The following SORBS2 variants were observed in gnomAD, a reference collection of about 807,000 sequenced individuals.
SORBS2 encodes sorbin and SH3 domain-containing protein 2.
In SORBS2, 46 loss-of-function variants were observed where a neutral mutation model predicts 97.7. The ratio of observed to expected loss-of-function variants is 0.47; its 90% confidence interval spans 0.37 to 0.60. SORBS2 has a LOEUF of 0.60. Ranked by LOEUF, SORBS2 falls within the 20% of genes least tolerant of loss-of-function variation. SORBS2 has a pLI of 0.00. For missense variants in SORBS2, 1,316 were observed against 1,282.3 expected, an observed-to-expected ratio of 1.03 and a Z score of -0.40; for synonymous variants, 476 against 473.4, an observed-to-expected ratio of 1.01 and a Z score of -0.07.
At chr4:185,619,946 C>T (rs765749125) in intron 8 of SORBS2, 117 bp downstream of exon 20, 416 of 742,578 alleles carry the variant, frequency 5.6e-4, no homozygotes, top group Non-Finnish European at 7.1e-4. Flanking sequence ...TTTCTAGTTT[C>T]TCAGTATTTT....
rs555128252 is a variant in SORBS2, at chr4:185,928,797, C to T, written c.-338+27399G>A. ...TCCTGACCTCGTGATCCGCCCACCT[C>T]GGCCTCCTAAAGTGCTGGGATTCCA... On this transcript the variant is annotated intron_variant, in intron 1 of 20. Transcript: ENST00000284776. Among the ~76,000 whole-genome samples, 118 of 152,274 alleles carry T rather than the reference C, an allele frequency of 7.7e-4. 2 individuals carry two copies. The South Asian group carries it at 0.022, about 29-fold the overall frequency.
At chr4:185,845,474 G>A (rs542768436) in intron 1 of SORBS2, among the ~76,000 whole-genome samples, 3 of 152,200 alleles carry the variant, frequency 2.0e-5, no homozygotes, top group African/African-American at 7.2e-5. Context: ...CCTTATAGAA[G>A]AAAACAAAGG....
intron 3 of SORBS2, 53 bp downstream of exon 12, chr4:185,649,413 GA>G: frequency 7.1e-7 from 1 of 1,416,028 alleles, no homozygotes; most frequent in South Asian, 1.5e-5. Context: ...ATGCCATGTA[GA>G]CTTATTTTTA....
Position 185,850,934 on chromosome 4 carries a change from G to A in SORBS2, c.-337-75568C>T, listed in dbSNP as rs148090469. ...ACGAGGGTAAATTCACTCCCTCTCA[G>A]GTTGAATTGGGACACCTATCTATCT... is the stretch of plus-strand genomic sequence containing the variant. On this transcript the variant is annotated intron_variant, in intron 1 of 20. Coordinates refer to the SORBS2 transcript ENST00000284776. 5.2e-3 allele frequency among the ~76,000 whole-genome samples: 786 copies of A among 152,248 alleles called. 11 individuals carry two copies. The highest frequency in any genetic ancestry group is 6.6e-3 in the Non-Finnish European group (451 of 68,022).
chr4:185,808,759 C>T (rs1013196728), intron 1 of SORBS2, among the ~76,000 whole-genome samples: 2 of 152,158 alleles, frequency 1.3e-5, no homozygotes, highest in Non-Finnish European at 2.9e-5. Flanking sequence ...TTACTTTCTT[C>T]TGGTTTCAGC....
chr4:185,618,765 T>A lies in SORBS2; in HGVS notation c.2305-134A>T, dbSNP rs574387122. 8.9e-5 allele frequency: 42 copies of A among 470,794 alleles called. No individual in the cohort carries two copies. In the East Asian group the frequency reaches 1.2e-3, roughly 13 times the overall value. 29.2% of individuals were successfully genotyped at this position (470,794 alleles called of 1,614,324 possible). A position where few individuals can be genotyped will look rare whatever the true frequency, so the allele number is the denominator to read the frequency against. Reference sequence around the variant, plus strand: ...TATGTAATGTTAATCCTGTAAGCAATTTATAAATAAGTCCATTCATTCTTC... The same window carrying A: ...TATGTAATGTTAATCCTGTAAGCAAATTATAAATAAGTCCATTCATTCTTC... On this transcript the variant is annotated intron_variant, in intron 8 of 14. Coordinates refer to ENST00000418609, the Ensembl canonical transcript of SORBS2.
chr4:185,892,976 A>G (rs1446855965), intron 1 of SORBS2, among the ~76,000 whole-genome samples: 5 of 152,156 alleles, frequency 3.3e-5, no homozygotes, highest in Non-Finnish European at 5.9e-5. Flanking sequence ...GAACAAGAAA[A>G]TTATAGCCTT....
At chr4:185,840,941 G>A (rs2099211122) in intron 1 of SORBS2, among the ~76,000 whole-genome samples, 1 of 152,140 alleles carries the variant, frequency 6.6e-6, no homozygotes, top group South Asian at 2.1e-4. Flanking sequence ...CAAGAGGGAG[G>A]GGAGGGAGAG....
chr4:185,656,438 G>C (rs35071718), intron 1 of SORBS2, among the ~76,000 whole-genome samples: 41,525 of 142,310 alleles, frequency 0.29, 7,313 homozygotes, highest in Non-Finnish European at 0.41. Flanking sequence ...ATCTTACCAC[G>C]GCTTTTTTTT....
chr4:185,689,554 G>A (rs1204438939), intron 2 of SORBS2, among the ~76,000 whole-genome samples: 1 of 152,156 alleles, frequency 6.6e-6, no homozygotes, highest in Non-Finnish European at 1.5e-5. Context: ...CATCTTGCCT[G>A]TTGTCCACAT....
At chr4:185,666,141 G>A in intron 4 of SORBS2, 1 of 1,289,822 alleles carries the variant, frequency 7.8e-7, no homozygotes, top group South Asian at 1.2e-5. Flanking sequence ...CTTCTGGTGT[G>A]GTTTGTCTGT....
chr4:185,727,740 G>C (rs1250158348), intron 2 of SORBS2, among the ~76,000 whole-genome samples: 1 of 152,108 alleles, frequency 6.6e-6, no homozygotes, highest in Non-Finnish European at 1.5e-5. Flanking sequence ...GATACGACCA[G>C]GTTTGCTACA....
rs1383307880 is a variant in SORBS2, at chr4:185,933,285, C to T, written c.-338+22911G>A. On this transcript the variant is annotated intron_variant, in intron 1 of 20. Transcript: ENST00000284776. ...GAACGTTACAGCAGTTCTAGAGTAT[C>T]GCTGTAGAATCATCGTGAACTGTGG... 8 of 152,164 alleles carry T rather than the reference C, an allele frequency of 5.3e-5. No homozygotes were observed. In the South Asian group the frequency reaches 1.2e-3, roughly 24 times the overall value. The allele number at this position is 152,164 out of a possible 1,614,324, so 9.4% of individuals were successfully genotyped here.
intron 1 of SORBS2, among the ~76,000 whole-genome samples, chr4:185,793,351 T>C (rs2153649247): frequency 6.6e-6 from 1 of 152,342 alleles, no homozygotes; most frequent in Admixed American, 6.5e-5. Flanking sequence ...CCACATTCTA[T>C]CCTGTCATCA....
intron 1 of SORBS2, among the ~76,000 whole-genome samples, chr4:185,900,468 T>C (rs2099247129): frequency 6.6e-6 from 1 of 152,086 alleles, no homozygotes; most frequent in Non-Finnish European, 1.5e-5. Flanking sequence ...AAACATTCCA[T>C]GCATAAAATA....
intron 2 of SORBS2, among the ~76,000 whole-genome samples, chr4:185,731,762 CCCTCCCCGCCTGTCTCTCTCTCTT>C (rs2098634480): frequency 8.3e-6 from 1 of 119,912 alleles, no homozygotes; most frequent in Non-Finnish European, 1.8e-5. Context: ...CTCTCTCCCT[CCCTCCCCGCCTGTCTCTCTCTCTT>C]CCTCCCTGCC....
At chr4:185,656,641 T>A (rs1191274837) in exon 1 of SORBS2, 1 of 1,551,226 alleles carries the variant, frequency 6.4e-7, no homozygotes, top group East Asian at 2.4e-5. Context: ...GCTTTCATCC[T>A]GTCCCCGGCT....
chr4:185,910,424 T>TC (rs2099254315), intron 1 of SORBS2, among the ~76,000 whole-genome samples: 1 of 152,172 alleles, frequency 6.6e-6, no homozygotes, highest in African/African-American at 2.4e-5. Context: ...CCATCAATAC[T>TC]CCCAACTCTG....
chr4:185,614,258 C>T (rs147023066), intron 11 of SORBS2, among the ~76,000 whole-genome samples: 1,621 of 143,968 alleles, frequency 0.011, 31 homozygotes, highest in African/African-American at 0.039. Flanking sequence ...TGCCCGGCCT[C>T]GAGGCTTTTG....
Sources: allele counts gnomAD v4.1 joint callset (sites outside exome capture counted in the v4.1 genomes callset), GRCh38; gene constraint gnomAD v4.1.1; transcripts MANE v1.5; gene names NCBI Gene and HGNC (gene_info 2026-07-23, HGNC 2026-07-21).